The following MBOAT1 variants were observed in gnomAD, a reference collection of about 807,000 sequenced individuals.
MBOAT1 encodes the protein membrane-bound glycerophospholipid O-acyltransferase 1.
In MBOAT1, 67 loss-of-function variants were observed where a neutral mutation model predicts 64.4. The observed-to-expected ratio is 1.04, with a 90% confidence interval of 0.85 to 1.27. The LOEUF is 1.27. MBOAT1 is among the 50% of genes most tolerant of loss of function. The pLI, the probability that MBOAT1 is intolerant of heterozygous loss-of-function variation, is 0.00. For synonymous variants in MBOAT1, 229 were observed against 218.9 expected, an observed-to-expected ratio of 1.05 and a Z score of -0.41; for missense variants, 563 against 604.6, an observed-to-expected ratio of 0.93 and a Z score of 0.72.
At chr6:20,130,471 A>G (rs1054845927) in intron 5 of MBOAT1, among the ~76,000 whole-genome samples, 4 of 152,074 alleles carry the variant, frequency 2.6e-5, no homozygotes, top group Admixed American at 2.0e-4. Context: ...CTCCTGCCTC[A>G]GCCTCCTAAG....
chr6:20,212,003 C>CACACACAA (rs1554123720), intron 1 of MBOAT1, 133 bp downstream of exon 1: 9 of 722,330 alleles, frequency 1.2e-5, no homozygotes, highest in South Asian at 3.5e-5. Flanking sequence ...CACACACACA[C>CACACACAA]AAAAACCAAC....
At chr6:20,166,689 G>T (rs958651293) in intron 1 of MBOAT1, among the ~76,000 whole-genome samples, 3 of 152,142 alleles carry the variant, frequency 2.0e-5, no homozygotes, top group Non-Finnish European at 4.4e-5. Context: ...TATAATCCCA[G>T]CACTTTGGGA....
At chr6:20,191,208 C>T (rs1762791347) in intron 1 of MBOAT1, among the ~76,000 whole-genome samples, 1 of 152,144 alleles carries the variant, frequency 6.6e-6, no homozygotes, top group African/African-American at 2.4e-5. Flanking sequence ...CCCCTGGTGC[C>T]TCTCTGTCTC....
intron 1 of MBOAT1, among the ~76,000 whole-genome samples, chr6:20,168,412 C>G (rs1453883059): frequency 6.6e-6 from 1 of 151,232 alleles, no homozygotes; most frequent in Non-Finnish European, 1.5e-5. Flanking sequence ...TTGCAGTGAG[C>G]TGAGATCACC....
rs1207241874 is a variant in MBOAT1 at position 20,101,322 on chromosome 6, T to G, written c.*964A>C. Among the ~76,000 whole-genome samples, 1 of 152,150 alleles carries G rather than the reference T, an allele frequency of 6.6e-6. No homozygotes were observed. Among genetic ancestry groups the G allele is most frequent in the African/African-American group, 2.4e-5 (1 of 41,448 alleles). ...CAGGAGACTTTCTGATTTCCAATCT[T>G]GGCTCAGGTCAGAAGAAAAAGGGGA... is the stretch of plus-strand genomic sequence containing the variant. On this transcript the variant is annotated 3_prime_UTR_variant, in exon 13 of 13. Coordinates refer to ENST00000324607, the MANE Select transcript of MBOAT1 (RefSeq NM_001080480.3).
In MBOAT1 at chr6:20,131,294, C is replaced by T. The variant is rs1036324329; in HGVS notation, c.420-95G>A. ...CCAAATCTCATCTTGAATTGTAGTT[C>T]CCATAATCCCCACATGTCGTGGGAG... On this transcript the variant is annotated intron_variant, in intron 4 of 12. Transcript: ENST00000324607. The T allele has an allele frequency of 1.5e-5, 16 of 1,083,220 alleles. 1 individual carries two copies. The Middle Eastern group carries it at 9.6e-4, about 65-fold the overall frequency. 67.1% of individuals were successfully genotyped at this position (1,083,220 alleles called of 1,614,324 possible).
At chr6:20,179,851 T>C (rs1279799082) in intron 1 of MBOAT1, among the ~76,000 whole-genome samples, 2 of 152,202 alleles carry the variant, frequency 1.3e-5, no homozygotes, top group African/African-American at 4.8e-5. Context: ...ATAATAGCCA[T>C]TCTGACTGGT....
intron 1 of MBOAT1, among the ~76,000 whole-genome samples, chr6:20,198,012 G>C (rs994501359): frequency 6.6e-6 from 1 of 152,096 alleles, no homozygotes; most frequent in Non-Finnish European, 1.5e-5. Flanking sequence ...AAACACTTGA[G>C]GTCAGGAGTT....
chr6:20,113,651 CAG>C (rs1760238089), intron 10 of MBOAT1, among the ~76,000 whole-genome samples: 2 of 151,984 alleles, frequency 1.3e-5, no homozygotes, highest in Admixed American at 1.3e-4. Flanking sequence ...TAGCAAATGT[CAG>C]CAAATACCCT....
intron 4 of MBOAT1, among the ~76,000 whole-genome samples, chr6:20,142,970 T>C (rs888756418): frequency 3.3e-5 from 5 of 152,172 alleles, no homozygotes; most frequent in African/African-American, 1.2e-4. Flanking sequence ...CAACACTCTT[T>C]ACCTTCCTGA....
intron 1 of MBOAT1, among the ~76,000 whole-genome samples, chr6:20,178,682 G>A (rs746600908): frequency 3.3e-5 from 5 of 152,026 alleles, no homozygotes; most frequent in Non-Finnish European, 5.9e-5. Flanking sequence ...TAAATATGAC[G>A]GTCCTTCCAG....
chr6:20,172,122 T>C (rs943725784), intron 1 of MBOAT1, among the ~76,000 whole-genome samples: 2 of 152,004 alleles, frequency 1.3e-5, no homozygotes, highest in Non-Finnish European at 2.9e-5. Context: ...ATGGGACTGA[T>C]AGAAACAACT....
At chr6:20,121,226 T>C (rs1455514181) in intron 8 of MBOAT1, among the ~76,000 whole-genome samples, 3 of 152,222 alleles carry the variant, frequency 2.0e-5, no homozygotes, top group African/African-American at 7.2e-5. Flanking sequence ...AATTAGTACA[T>C]CAATTATATG....
chr6:20,112,475 G>C (rs774670747), intron 11 of MBOAT1, among the ~76,000 whole-genome samples: 1 of 152,094 alleles, frequency 6.6e-6, no homozygotes, highest in South Asian at 2.1e-4. Context: ...TTCTAGGCTC[G>C]GGGCAATGAA....
In MBOAT1 at chr6:20,208,174, G is replaced by A. The variant is rs115446747; in HGVS notation, c.99+3962C>T. On this transcript the variant is annotated intron_variant, in intron 1 of 12. Coordinates refer to ENST00000324607, the MANE Select transcript of MBOAT1 (RefSeq NM_001080480.3). ...AAAGAAACTTTGTAGTCGGCCGGGC[G>A]TGGTGGCTCATGCCTGTAATCCCAG... 5.7e-3 allele frequency among the ~76,000 whole-genome samples: 871 copies of A among 152,158 alleles called. 8 individuals are homozygous for A. The highest frequency in any genetic ancestry group is 0.02 in the African/African-American group (838 of 41,514).
intron 1 of MBOAT1, among the ~76,000 whole-genome samples, chr6:20,204,504 G>A (rs976780298): frequency 1.3e-5 from 2 of 151,666 alleles, no homozygotes; most frequent in African/African-American, 4.8e-5. Context: ...AGAGCAATGT[G>A]ATATGGATAG....
At chr6:20,177,601 G>A (rs891417805) in intron 1 of MBOAT1, among the ~76,000 whole-genome samples, 4 of 151,812 alleles carry the variant, frequency 2.6e-5, no homozygotes, top group Non-Finnish European at 5.9e-5. Context: ...GTGAAACCCC[G>A]TCTCTACTAA....
chr6:20,106,457 CT>C (rs1405824907), intron 12 of MBOAT1, among the ~76,000 whole-genome samples: 1 of 151,978 alleles, frequency 6.6e-6, no homozygotes, highest in Non-Finnish European at 1.5e-5. Flanking sequence ...GAGTCTCGCT[CT>C]GTCACTCAAG....
intron 4 of MBOAT1, among the ~76,000 whole-genome samples, chr6:20,139,853 C>G (rs1022871611): frequency 2.0e-5 from 3 of 152,168 alleles, no homozygotes; most frequent in African/African-American, 7.2e-5. Flanking sequence ...CCGTGCCCAG[C>G]CTTAACTTTC....
Sources: allele counts gnomAD v4.1 joint callset (sites outside exome capture counted in the v4.1 genomes callset), GRCh38; gene constraint gnomAD v4.1.1; transcripts MANE v1.5; gene names NCBI Gene and HGNC (gene_info 2026-07-23, HGNC 2026-07-21).